SOX6: variants seen among roughly 807,000 people sequenced by gnomAD.
SOX6 encodes the protein transcription factor SOX-6.
In SOX6, 11 loss-of-function variants were observed where a neutral mutation model predicts 97.8. That is an observed-to-expected ratio of 0.11 (90% CI 0.07 to 0.19). The LOEUF is 0.19. Ranked by LOEUF, SOX6 falls within the 10% of genes least tolerant of loss-of-function variation. The pLI is 1.00. For synonymous variants in SOX6, 360 were observed against 371.4 expected, an observed-to-expected ratio of 0.97 and a Z score of 0.35; for missense variants, 810 against 1,039.5, an observed-to-expected ratio of 0.78 and a Z score of 3.04.
intron 3 of SOX6, among the ~76,000 whole-genome samples, chr11:16,664,903 TTCCAGGC>T (rs1847795519): frequency 6.6e-6 from 1 of 151,840 alleles, no homozygotes; most frequent in Non-Finnish European, 1.5e-5. Flanking sequence ...GAGGCCCCCA[TTCCAGGC>T]CCTAGCTCTT....
chr11:16,734,570 T>C (rs1188436063), intron 2 of SOX6, among the ~76,000 whole-genome samples: 2 of 152,176 alleles, frequency 1.3e-5, no homozygotes, highest in Admixed American at 6.5e-5. Context: ...ACTCTCCTTG[T>C]TGACCCACCA....
At chr11:16,252,034 T>G (rs2134200872) in intron 3 of SOX6, among the ~76,000 whole-genome samples, 1 of 152,246 alleles carries the variant, frequency 6.6e-6, no homozygotes, top group African/African-American at 2.4e-5. Flanking sequence ...GGAGAGTACC[T>G]TCAGAAAACA....
At chr11:16,497,013 C>T (rs1240510917) in intron 4 of SOX6, among the ~76,000 whole-genome samples, 1 of 152,230 alleles carries the variant, frequency 6.6e-6, no homozygotes, top group African/African-American at 2.4e-5. Flanking sequence ...AACGGACAGA[C>T]TGCCTCCTAA....
chr11:16,530,881 A>C (rs1388987527), intron 4 of SOX6, among the ~76,000 whole-genome samples: 4 of 151,048 alleles, frequency 2.6e-5, no homozygotes, highest in African/African-American at 9.7e-5. Flanking sequence ...CCAAACTTCT[A>C]ATGCCAAAAA....
chr11:16,534,789 AAGCAAG>A (rs975191874), intron 4 of SOX6, among the ~76,000 whole-genome samples: 3 of 152,180 alleles, frequency 2.0e-5, no homozygotes, highest in African/African-American at 7.2e-5. Context: ...GCTAAGGGCC[AAGCAAG>A]AGACATTTAG....
At chr11:16,496,037 C>G (rs1179381052) in intron 4 of SOX6, among the ~76,000 whole-genome samples, 2 of 152,146 alleles carry the variant, frequency 1.3e-5, no homozygotes, top group African/African-American at 4.8e-5. Context: ...GGATCAAAGC[C>G]AAAGTGCTCT....
chr11:16,095,257 G>C (rs760409389), intron 9 of SOX6, among the ~76,000 whole-genome samples: 2 of 151,760 alleles, frequency 1.3e-5, no homozygotes, highest in Non-Finnish European at 1.5e-5. Context: ...ACCCCGGTGA[G>C]GCAGAAAAGG....
rs144099340 is a variant in SOX6 at position 16,172,980 on chromosome 11, T to A, written c.777+10906A>T. ...TCTGCTGAGAGTAGATCAGTTATCA[T>A]CTCCATGCCTTTTTTTTCCTGGGCT... On this transcript the variant is annotated intron_variant, in intron 6 of 15. Transcript: ENST00000683767. Among the ~76,000 whole-genome samples, 18 of 151,998 alleles carry A rather than the reference T, an allele frequency of 1.2e-4. No homozygotes were observed. The East Asian group carries it at 2.7e-3, about 23-fold the overall frequency.
chr11:15,984,260 C>T (rs75981891), intron 15 of SOX6, among the ~76,000 whole-genome samples: 1 of 152,008 alleles, frequency 6.6e-6, no homozygotes, highest in Admixed American at 6.6e-5. Flanking sequence ...TTTTAATGTA[C>T]CCTTTAGTAA....
chr11:16,412,571 T>C (rs1468001676), intron 1 of SOX6, among the ~76,000 whole-genome samples: 1 of 152,200 alleles, frequency 6.6e-6, no homozygotes, highest in East Asian at 1.9e-4. Context: ...CTGGATGACT[T>C]GAGATCAGCC....
At chr11:16,144,785 C>A (rs926197723) in intron 6 of SOX6, among the ~76,000 whole-genome samples, 1 of 152,250 alleles carries the variant, frequency 6.6e-6, no homozygotes, top group East Asian at 1.9e-4. Context: ...ATACACCCTC[C>A]CAAGACTAAA....
intron 4 of SOX6, among the ~76,000 whole-genome samples, chr11:16,560,804 A>T (rs922962061): frequency 1.3e-5 from 2 of 152,184 alleles, no homozygotes; most frequent in African/African-American, 4.8e-5. Flanking sequence ...AAGAAGTGCC[A>T]TTATTTCATT....
At chr11:15,993,839 G>A (rs2119826611) in intron 13 of SOX6, among the ~76,000 whole-genome samples, 1 of 152,310 alleles carries the variant, frequency 6.6e-6, no homozygotes, top group East Asian at 1.9e-4. Flanking sequence ...TTGGAAAGAA[G>A]GCCAGTTTCA....
At chr11:16,510,715 T>G (rs1355305302) in intron 4 of SOX6, among the ~76,000 whole-genome samples, 1 of 152,126 alleles carries the variant, frequency 6.6e-6, no homozygotes, top group African/African-American at 2.4e-5. Context: ...CGCTGAAAGG[T>G]AGGTTATGCT....
intron 3 of SOX6, among the ~76,000 whole-genome samples, chr11:16,677,088 T>C (rs1847889691): frequency 6.6e-6 from 1 of 152,228 alleles, no homozygotes; most frequent in African/African-American, 2.4e-5. Flanking sequence ...TGCTTTTAAA[T>C]GTTTCCAAAC....
intron 4 of SOX6, among the ~76,000 whole-genome samples, chr11:16,520,736 G>A (rs1861045779): frequency 1.3e-5 from 2 of 152,228 alleles, no homozygotes; most frequent in African/African-American, 4.8e-5. Context: ...AAAGAAAGGG[G>A]TGATGGACGG....
At chr11:15,983,931 T>C (rs939255390) in intron 15 of SOX6, among the ~76,000 whole-genome samples, 2 of 152,168 alleles carry the variant, frequency 1.3e-5, no homozygotes, top group Non-Finnish European at 2.9e-5. Context: ...CTTGCTCAGA[T>C]GGCATAGCCA....
At chr11:16,303,894 G>T (rs558253208) in intron 3 of SOX6, among the ~76,000 whole-genome samples, 1 of 152,066 alleles carries the variant, frequency 6.6e-6, no homozygotes, top group Non-Finnish European at 1.5e-5. Context: ...AAATAGTTTT[G>T]TGGGGGGTTT....
At chr11:15,973,426 T>C (rs1436426639) in intron 15 of SOX6, among the ~76,000 whole-genome samples, 1 of 152,216 alleles carries the variant, frequency 6.6e-6, no homozygotes, top group Non-Finnish European at 1.5e-5. Context: ...AATGATGTAG[T>C]GAATTCCACA....
Sources: gnomAD v4.1 joint callset for allele counts (sites outside exome capture counted in the v4.1 genomes callset) on GRCh38, gnomAD v4.1.1 for gene constraint, MANE v1.5 for transcripts, NCBI Gene and HGNC (gene_info 2026-07-23, HGNC 2026-07-21) for gene names.